The following SGMS1 variants were observed in gnomAD, a reference collection of about 807,000 sequenced individuals.
SGMS1 encodes sphingomyelin synthase 1.
SGMS1 carries 13 observed loss-of-function variants against 46.2 expected under a neutral mutation model. That is an observed-to-expected ratio of 0.28 (90% CI 0.18 to 0.45). The LOEUF (loss-of-function observed/expected upper bound fraction) is 0.45. SGMS1 is among the 20% of genes least tolerant of loss of function. SGMS1 has a pLI of 1.00. For synonymous variants in SGMS1, 203 were observed against 187.8 expected (o/e 1.08, Z -0.66); for missense variants, 324 against 519.9 (o/e 0.62, Z 3.66).
chr10:50,495,263 A>G (rs10826105), intron 3 of SGMS1, among the ~76,000 whole-genome samples: 16,504 of 91,228 alleles, frequency 0.18, 1,213 homozygotes, highest in Middle Eastern at 0.29. Context: ...AAAAGTTAAG[A>G]AAAAAAAAAA....
intron 6 of SGMS1, among the ~76,000 whole-genome samples, chr10:50,429,562 C>T (rs1849373964): frequency 6.6e-6 from 1 of 152,144 alleles, no homozygotes; most frequent in Admixed American, 6.5e-5. Context: ...CATCCCCAAA[C>T]TCACTTCTTT....
At chr10:50,557,762 T>C (rs1838200783) in intron 2 of SGMS1, among the ~76,000 whole-genome samples, 1 of 152,094 alleles carries the variant, frequency 6.6e-6, no homozygotes, top group African/African-American at 2.4e-5. Flanking sequence ...CTTAATCTTT[T>C]ATAACAAGCA....
At chr10:50,516,409 C>A (rs545838373) in intron 3 of SGMS1, among the ~76,000 whole-genome samples, 38 of 152,310 alleles carry the variant, frequency 2.5e-4, no homozygotes, top group African/African-American at 9.1e-4. Context: ...CAGAGACCCA[C>A]AACTGACTCG....
chr10:50,624,253 T>A (rs1838891547), upstream of SGMS1: 1 of 425,152 alleles, frequency 2.4e-6, no homozygotes, highest in East Asian at 1.6e-4. Flanking sequence ...GGTAAATCCC[T>A]TGGGGCAGGG....
chr10:50,576,917 G>GT (rs1481579519), intron 2 of SGMS1, among the ~76,000 whole-genome samples: 1 of 152,208 alleles, frequency 6.6e-6, no homozygotes, highest in Non-Finnish European at 1.5e-5. Context: ...CTTGGAAACT[G>GT]TAAGTATTTG....
chr10:50,564,955 AGC>A (rs1838275457), intron 2 of SGMS1, among the ~76,000 whole-genome samples: 2 of 152,080 alleles, frequency 1.3e-5, no homozygotes, highest in Non-Finnish European at 2.9e-5. Context: ...CACCATTCTC[AGC>A]TGGCTGCAGG....
At chr10:50,341,539 G>A (rs923244317) in intron 7 of SGMS1, 17 of 427,408 alleles carry the variant, frequency 4.0e-5, no homozygotes, top group Non-Finnish European at 7.6e-5. Flanking sequence ...ATCCAATTAT[G>A]TTAGAATCTA....
intron 2 of SGMS1, among the ~76,000 whole-genome samples, chr10:50,580,425 C>CCG (rs1002297456): frequency 4.6e-5 from 3 of 65,480 alleles, no homozygotes; most frequent in Admixed American, 1.7e-4. Flanking sequence ...AAGTTAGGGA[C>CCG]CCCCCCCCAA....
At chr10:50,318,684 AT>A (rs1043309060) in intron 8 of SGMS1, among the ~76,000 whole-genome samples, 1 of 152,156 alleles carries the variant, frequency 6.6e-6, no homozygotes, top group African/African-American at 2.4e-5. Context: ...ACTCACAAAT[AT>A]TATGCCCACC....
At chr10:50,484,806 A>G (rs552849983) in intron 3 of SGMS1, among the ~76,000 whole-genome samples, 1 of 152,310 alleles carries the variant, frequency 6.6e-6, no homozygotes, top group East Asian at 1.9e-4. Context: ...ACATGATTAT[A>G]TCAATAGACA....
chr10:50,383,957 A>T (rs972782318), intron 6 of SGMS1, among the ~76,000 whole-genome samples: 1 of 152,176 alleles, frequency 6.6e-6, no homozygotes, highest in Non-Finnish European at 1.5e-5. Context: ...ATGATAGCAG[A>T]GCCATCATGA....
intron 6 of SGMS1, among the ~76,000 whole-genome samples, chr10:50,392,995 T>C (rs943196025): frequency 7.3e-5 from 11 of 150,178 alleles, no homozygotes; most frequent in Non-Finnish European, 1.0e-4. Context: ...TCCAGAAAGT[T>C]TTTTTTTTTT....
At position 50,594,876 on chromosome 10, in the gene SGMS1, C is replaced by T. The variant is rs189116904; in HGVS notation, c.-683-4629G>A. Among the ~76,000 whole-genome samples the T allele has an allele frequency of 6.8e-4, 104 of 152,302 alleles. 1 individual carries two copies. Among genetic ancestry groups the T allele is most frequent in the Non-Finnish European group, 1.2e-3 (85 of 68,024 alleles). On this transcript the variant is annotated intron_variant, in intron 1 of 10. Coordinates refer to ENST00000361781, the MANE Select transcript of SGMS1 (RefSeq NM_147156.4). ...TTCAACTCAACCTCCTGACAGTTCT[C>T]GTCTTTTTAAAATCATTTATCCCGA...
intron 3 of SGMS1, among the ~76,000 whole-genome samples, chr10:50,470,398 T>G (rs746840996): frequency 6.6e-5 from 10 of 152,038 alleles, no homozygotes; most frequent in Non-Finnish European, 1.2e-4. Context: ...ATATCTAACT[T>G]TCAATAAACA....
intron 1 of SGMS1, among the ~76,000 whole-genome samples, chr10:50,591,329 G>T (rs1350996918): frequency 1.3e-5 from 2 of 152,016 alleles, no homozygotes; most frequent in Admixed American, 1.3e-4. Flanking sequence ...TCACTATACA[G>T]ATCACCTCCA....
intron 5 of SGMS1, among the ~76,000 whole-genome samples, chr10:50,453,779 A>AATGGAGGG (rs1837144285): frequency 2.8e-5 from 1 of 35,728 alleles, no homozygotes; most frequent in African/African-American, 1.2e-4. Flanking sequence ...GGAAGGGAGG[A>AATGGAGGG]AGGGAGGGAG....
At chr10:50,353,370 C>T (rs1226717540) in intron 6 of SGMS1, among the ~76,000 whole-genome samples, 2 of 152,296 alleles carry the variant, frequency 1.3e-5, no homozygotes, top group East Asian at 3.8e-4. Context: ...CAGAAAAGGC[C>T]TTTGACAAAA....
At chr10:50,366,975 G>T (rs1169737282) in intron 6 of SGMS1, among the ~76,000 whole-genome samples, 2 of 151,902 alleles carry the variant, frequency 1.3e-5, no homozygotes, top group Non-Finnish European at 2.9e-5. Flanking sequence ...GTGGGCAAAG[G>T]ATATGAACAG....
intron 3 of SGMS1, among the ~76,000 whole-genome samples, chr10:50,478,946 C>A (rs180685508): frequency 3.1e-4 from 47 of 151,908 alleles, no homozygotes; most frequent in Admixed American, 2.3e-3. Context: ...TAAGATCAGT[C>A]CCCTCTTTCT....
Sources: gnomAD v4.1 joint callset for allele counts (sites outside exome capture counted in the v4.1 genomes callset) on GRCh38, gnomAD v4.1.1 for gene constraint, MANE v1.5 for transcripts, NCBI Gene and HGNC (gene_info 2026-07-23, HGNC 2026-07-21) for gene names.